The following RYR2 variants were observed in gnomAD, a reference collection of about 807,000 sequenced individuals.
The protein encoded by RYR2 is ryanodine receptor 2, also known as cardiac muscle ryanodine receptor-calcium release channel.
A neutral mutation model predicts 601.1 loss-of-function variants in RYR2; 227 were observed. The observed-to-expected ratio is 0.38, with a 90% CI of 0.34 to 0.42. The LOEUF (loss-of-function observed/expected upper bound fraction) is 0.42. RYR2 is among the 10% of genes least tolerant of loss of function. The pLI, the probability that RYR2 is intolerant of heterozygous loss-of-function variation, is 1.00. For missense variants in RYR2, 4,646 were observed against 6,156.5 expected, an observed-to-expected ratio of 0.75 and a Z score of 8.21; for synonymous variants, 2,223 against 2,175.1, an observed-to-expected ratio of 1.02 and a Z score of -0.61.
At chr1:237,829,224 G>T (rs894893115) in intron 102 of RYR2, among the ~76,000 whole-genome samples, 1 of 152,198 alleles carries the variant, frequency 6.6e-6, no homozygotes, top group Non-Finnish European at 1.5e-5. Flanking sequence ...GATCAGATTT[G>T]CATTTTAAAA....
intron 1 of RYR2, among the ~76,000 whole-genome samples, chr1:237,176,216 G>A (rs988021578): frequency 3.4e-5 from 5 of 146,830 alleles, no homozygotes; most frequent in South Asian, 2.2e-4. Flanking sequence ...CAGCCTGGGC[G>A]ATAGAGCAAG....
In RYR2 at chr1:237,550,172, A is replaced by C. The variant is rs1055854839; in HGVS notation, c.3067-372A>C. Among the ~76,000 whole-genome samples, 3 of 152,204 alleles carry C rather than the reference A, an allele frequency of 2.0e-5. No homozygotes were observed. In the East Asian group the frequency reaches 5.8e-4, roughly 29 times the overall value. On this transcript the variant is annotated intron_variant, in intron 26 of 104. Coordinates refer to ENST00000366574, the MANE Select transcript of RYR2 (RefSeq NM_001035.3). ...GCCTGAAAACCACTGAGGGAGAACC[A>C]GCACTAATTTGGCTGTTCTTGGAAT...
At position 237,230,927 on chromosome 1, in the gene RYR2, C is replaced by CAAAA. The variant is rs34596432; in HGVS notation, c.49-39559_49-39556dup. 9.9e-4 allele frequency among the ~76,000 whole-genome samples: 105 copies of CAAAA among 105,858 alleles called. 3 individuals are homozygous for CAAAA. Among genetic ancestry groups the CAAAA allele is most frequent in the Non-Finnish European group, 1.6e-3 (88 of 54,154 alleles). 69.4% of individuals were successfully genotyped at this position (105,858 alleles called of 152,430 possible). ...CTGGGTGATAGAGAGAGACTCGTCT[C>CAAAA]AAAAAAAAAAAAAAGGATACTCCTC... On this transcript the variant is annotated intron_variant, in intron 1 of 104. Transcript: ENST00000366574.
At chr1:237,282,287 G>A (rs1362905842) in intron 2 of RYR2, among the ~76,000 whole-genome samples, 3 of 151,890 alleles carry the variant, frequency 2.0e-5, no homozygotes, top group Admixed American at 1.3e-4. Context: ...GAAAGTGGCC[G>A]TGGACCATAT....
In RYR2 at chr1:237,229,132, C is replaced by A. The variant is rs574707224; in HGVS notation, c.49-41365C>A. 1.2e-4 allele frequency among the ~76,000 whole-genome samples: 18 copies of A among 152,002 alleles called. No individual in the cohort carries two copies. The East Asian group carries it at 3.5e-3, about 29-fold the overall frequency. Reference sequence around the variant, plus strand: ...CTGTGGACCAGCTGTAGCATCGCATCTTCTCCAGGAAAGGAGAGAGGGTGG... The same window carrying A: ...CTGTGGACCAGCTGTAGCATCGCATATTCTCCAGGAAAGGAGAGAGGGTGG... On this transcript the variant is annotated intron_variant, in intron 1 of 104. Transcript: ENST00000366574.
intron 66 of RYR2, among the ~76,000 whole-genome samples, 178 bp from the exon 67 acceptor site, chr1:237,705,035 G>A (rs747911286): frequency 1.3e-5 from 2 of 151,986 alleles, no homozygotes; most frequent in Non-Finnish European, 2.9e-5. Context: ...TTTTTCAAAT[G>A]GTGAGGATAT....
Position 237,773,724 on chromosome 1 carries a change from A to G in RYR2, c.11775+76A>G, listed in dbSNP as rs1156759811. On this transcript the variant is annotated intron_variant, in intron 87 of 104. Transcript: ENST00000366574. Reference sequence around the variant, plus strand: ...ATGCAGTATATCTAGAGTAGTTTCCATATCTCCTATTGACCCCTTTCTGAG... The same window carrying G: ...ATGCAGTATATCTAGAGTAGTTTCCGTATCTCCTATTGACCCCTTTCTGAG... 9.3e-6 allele frequency: 11 copies of G among 1,178,118 alleles called. No homozygotes were observed. The South Asian group carries it at 1.4e-4, about 15-fold the overall frequency. The allele number at this position is 1,178,118 out of a possible 1,614,324, so 73.0% of individuals were successfully genotyped here.
At chr1:237,704,406 AAACC>A (rs1688197856) in intron 66 of RYR2, among the ~76,000 whole-genome samples, 1 of 152,184 alleles carries the variant, frequency 6.6e-6, no homozygotes, top group Non-Finnish European at 1.5e-5. Context: ...ATTTAAAATA[AAACC>A]ATCATGTAAA....
rs866714878 is a variant in RYR2, at chr1:237,833,363, C to T, written c.*716C>T. 1.1e-4 allele frequency: 15 copies of T among 135,946 alleles called. No homozygotes were observed. Among genetic ancestry groups the T allele is most frequent in the East Asian group, 9.1e-4 (4 of 4,400 alleles). The allele number at this position is 135,946 out of a possible 1,614,324, so 8.4% of individuals were successfully genotyped here. ...TAAATTCACATTTGCCCCCCCCCCC[C>T]GCCCCCGCCCCCATATGCTCCTGCT... is the stretch of plus-strand genomic sequence containing the variant. On this transcript the variant is annotated 3_prime_UTR_variant, in exon 105 of 105. Transcript: ENST00000366574.
At chr1:237,243,428 T>A (rs543763777) in intron 1 of RYR2, among the ~76,000 whole-genome samples, 6 of 152,254 alleles carry the variant, frequency 3.9e-5, no homozygotes, top group Admixed American at 3.9e-4. Context: ...GGGCTTATTA[T>A]AAAGACTCCT....
chr1:237,421,314 T>A (rs1403391263), intron 11 of RYR2, among the ~76,000 whole-genome samples: 1 of 152,178 alleles, frequency 6.6e-6, no homozygotes, highest in Admixed American at 6.5e-5. Flanking sequence ...TACACTTAAT[T>A]TTATAAGAGG....
At chr1:237,507,635 G>C (rs1665407521) in intron 23 of RYR2, among the ~76,000 whole-genome samples, 1 of 152,234 alleles carries the variant, frequency 6.6e-6, no homozygotes, top group African/African-American at 2.4e-5. Flanking sequence ...TATTTATTCA[G>C]TGTTTTGCAT....
intron 17 of RYR2, among the ~76,000 whole-genome samples, chr1:237,488,695 C>G (rs1662978405): frequency 6.6e-6 from 1 of 152,100 alleles, no homozygotes. Flanking sequence ...TCTCCCCCAC[C>G]CTTAAGAAGG....
intron 40 of RYR2, among the ~76,000 whole-genome samples, chr1:237,627,230 G>A (rs1053704142): frequency 1.3e-5 from 2 of 152,132 alleles, no homozygotes; most frequent in Non-Finnish European, 2.9e-5. Context: ...AATTTTCTGT[G>A]TATGTAGTAA....
chr1:237,508,605 G>C (rs1356703949), intron 23 of RYR2, among the ~76,000 whole-genome samples: 1 of 152,028 alleles, frequency 6.6e-6, no homozygotes, highest in East Asian at 1.9e-4. Context: ...TGGAACCTTA[G>C]GTGTGTTTCT....
chr1:237,282,530 G>A (rs1287512405), intron 2 of RYR2, among the ~76,000 whole-genome samples: 1 of 152,076 alleles, frequency 6.6e-6, no homozygotes, highest in Admixed American at 6.6e-5. Flanking sequence ...TAAAGGGAAA[G>A]CTAGACAAAT....
At chr1:237,498,195 AG>A (rs1314755809) in intron 20 of RYR2, among the ~76,000 whole-genome samples, 1 of 152,084 alleles carries the variant, frequency 6.6e-6, no homozygotes, top group Non-Finnish European at 1.5e-5. Flanking sequence ...AGTACATAAA[AG>A]GTATATATAT....
At chr1:237,617,560 T>A (rs1678611146) in intron 38 of RYR2, 74 bp downstream of exon 38, 1 of 1,362,916 alleles carries the variant, frequency 7.3e-7, no homozygotes, top group Non-Finnish European at 1.0e-6. Context: ...CTTGCAAAAT[T>A]ATATAACTCA....
intron 63 of RYR2, among the ~76,000 whole-genome samples, chr1:237,690,287 T>C (rs1179803831): frequency 6.6e-6 from 1 of 152,186 alleles, no homozygotes; most frequent in Non-Finnish European, 1.5e-5. Flanking sequence ...TAAGTCCTAT[T>C]TTTCTAACTT....
Sources: gnomAD v4.1 joint callset for allele counts (sites outside exome capture counted in the v4.1 genomes callset) on GRCh38, gnomAD v4.1.1 for gene constraint, MANE v1.5 for transcripts, NCBI Gene and HGNC (gene_info 2026-07-23, HGNC 2026-07-21) for gene names.